The following WWOX variants were observed in gnomAD, a reference collection of about 807,000 sequenced individuals.
The protein encoded by WWOX is WW domain-containing oxidoreductase.
Under a neutral mutation model 46.2 loss-of-function variants are expected in WWOX, and 69 were observed. The observed-to-expected ratio is 1.49, with a 90% CI of 1.23 to 1.82. WWOX has a LOEUF of 1.82. Among genes scored for constraint, WWOX ranks in the 40% most tolerant of loss-of-function variants. WWOX has a pLI of 0.00. For missense variants in WWOX, 919 were observed against 542.6 expected, an observed-to-expected ratio of 1.69 and a Z score of -6.89; for synonymous variants, 359 against 202.6, an observed-to-expected ratio of 1.77 and a Z score of -6.56.
intron 7 of WWOX, among the ~76,000 whole-genome samples, chr16:78,427,970 A>G (rs1003581440): frequency 1.3e-5 from 2 of 152,248 alleles, no homozygotes; most frequent in Non-Finnish European, 2.9e-5. Context: ...TGGGAGGCTG[A>G]GGCAGGAGAA....
chr16:78,777,186 C>T (rs1001221312), intron 8 of WWOX, among the ~76,000 whole-genome samples: 1 of 151,900 alleles, frequency 6.6e-6, no homozygotes, highest in East Asian at 1.9e-4. Context: ...ATTTCAATGG[C>T]TGTATTTCAG....
At chr16:78,689,185 T>C (rs1176468327) in intron 8 of WWOX, among the ~76,000 whole-genome samples, 1 of 152,164 alleles carries the variant, frequency 6.6e-6, no homozygotes, top group Non-Finnish European at 1.5e-5. Context: ...CAACAAAGAA[T>C]GATTCAGCCC....
At chr16:78,663,828 T>G (rs908424245) in intron 8 of WWOX, among the ~76,000 whole-genome samples, 1 of 152,116 alleles carries the variant, frequency 6.6e-6, no homozygotes, top group South Asian at 2.1e-4. Flanking sequence ...CAAGCACAGG[T>G]GCAGCAAGTG....
At chr16:78,385,611 C>T (rs1597141836) in intron 5 of WWOX, among the ~76,000 whole-genome samples, 1 of 152,140 alleles carries the variant, frequency 6.6e-6, no homozygotes, top group African/African-American at 2.4e-5. Flanking sequence ...AAACCAGCTG[C>T]AATTACGCTG....
chr16:78,990,397 G>A (rs1039726120), intron 8 of WWOX, among the ~76,000 whole-genome samples: 6 of 152,112 alleles, frequency 3.9e-5, no homozygotes, highest in African/African-American at 1.2e-4. Context: ...TTCTCTGCAC[G>A]ACCTAGTTCT....
Position 78,432,701 on chromosome 16 carries a change from G to T in WWOX, c.1005G>T (p.Trp335Cys). 6.2e-7 allele frequency: 1 copy of T among 1,614,218 alleles called. No individual in the cohort carries two copies. ...NMMYSNIHRSWWVYTLLFTLA... is the reference protein window; with the variant it reads ...NMMYSNIHRSCWVYTLLFTLA... ...TGTACTCCAACATTCATCGCAGCTG[G>T]TGGGTGTACACACTGCTGTTTACCT... Residue 335 changes from tryptophan (W) to cysteine (C), a missense_variant, in exon 8 of 9, where the codon TGG becomes TGT. Coordinates refer to ENST00000566780, the MANE Select transcript of WWOX (RefSeq NM_016373.4).
At chr16:78,799,460 A>C (rs1032598955) in intron 8 of WWOX, among the ~76,000 whole-genome samples, 5 of 152,194 alleles carry the variant, frequency 3.3e-5, no homozygotes, top group African/African-American at 1.2e-4. Context: ...CTCACCAGGG[A>C]TAGAGTCTCA....
chr16:78,199,666 C>G (rs533464056), intron 5 of WWOX, among the ~76,000 whole-genome samples: 2 of 152,304 alleles, frequency 1.3e-5, no homozygotes, highest in East Asian at 3.9e-4. Context: ...TATTTCTGAG[C>G]CTGCGTAGAT....
intron 8 of WWOX, among the ~76,000 whole-genome samples, chr16:78,619,287 C>A (rs183312826): frequency 3.5e-4 from 43 of 121,736 alleles, no homozygotes; most frequent in African/African-American, 1.3e-3. Flanking sequence ...TCGCTTGAAC[C>A]TGGGAGTCGG....
Position 78,426,881 on chromosome 16 carries a change from C to G in WWOX, c.791+1826C>G, listed in dbSNP as rs536283450. On this transcript the variant is annotated intron_variant, in intron 7 of 8. Transcript: ENST00000566780. Reference sequence around the variant, plus strand: ...GTTTCACCATGTTGGCCAGGATGGTCTCGATCTCTTGACCTTGTGATCCGC... The same window carrying G: ...GTTTCACCATGTTGGCCAGGATGGTGTCGATCTCTTGACCTTGTGATCCGC... 7.9e-5 allele frequency among the ~76,000 whole-genome samples: 12 copies of G among 152,276 alleles called. No homozygotes were observed. In the East Asian group the frequency reaches 2.3e-3, roughly 29 times the overall value.
chr16:78,954,220 G>C (rs1282583008), intron 8 of WWOX, among the ~76,000 whole-genome samples: 2 of 152,036 alleles, frequency 1.3e-5, no homozygotes, highest in African/African-American at 2.4e-5. Flanking sequence ...ATGGTTGGGT[G>C]GATGTATGGT....
At chr16:78,560,030 G>A (rs1038372915) in intron 8 of WWOX, among the ~76,000 whole-genome samples, 1 of 152,174 alleles carries the variant, frequency 6.6e-6, no homozygotes, top group African/African-American at 2.4e-5. Flanking sequence ...ACATTGAAAG[G>A]CTGTTGTCTT....
At chr16:78,205,687 C>A (rs867211492) in intron 5 of WWOX, among the ~76,000 whole-genome samples, 1 of 152,026 alleles carries the variant, frequency 6.6e-6, no homozygotes, top group Non-Finnish European at 1.5e-5. Context: ...CCATACACAT[C>A]CATCTGTTCA....
At chr16:78,138,219 G>A (rs928520396) in intron 4 of WWOX, among the ~76,000 whole-genome samples, 2 of 150,912 alleles carry the variant, frequency 1.3e-5, no homozygotes, top group African/African-American at 4.9e-5. Context: ...TTTGCTGACA[G>A]CACAGTCTGC....
intron 5 of WWOX, among the ~76,000 whole-genome samples, chr16:78,225,621 C>T (rs1363894906): frequency 6.6e-6 from 1 of 152,030 alleles, no homozygotes; most frequent in African/African-American, 2.4e-5. Context: ...TTTGTTTTGC[C>T]ATGAGGAATT....
At chr16:78,186,405 G>C (rs542162783) in intron 5 of WWOX, among the ~76,000 whole-genome samples, 1 of 152,160 alleles carries the variant, frequency 6.6e-6, no homozygotes, top group Non-Finnish European at 1.5e-5. Flanking sequence ...AGTTTAACCT[G>C]ACAGTTGATC....
intron 8 of WWOX, among the ~76,000 whole-genome samples, chr16:79,144,291 T>G (rs2050145362): frequency 6.6e-6 from 1 of 152,174 alleles, no homozygotes; most frequent in Admixed American, 6.5e-5. Flanking sequence ...GTTTAGCCTG[T>G]CAAGACTTCA....
intron 4 of WWOX, among the ~76,000 whole-genome samples, chr16:78,116,775 A>T (rs1315875226): frequency 1.3e-5 from 2 of 152,234 alleles, no homozygotes; most frequent in Non-Finnish European, 2.9e-5. Context: ...CTTTTTAACA[A>T]TTTAACAAGT....
chr16:78,660,157 G>A (rs1304185635), intron 8 of WWOX, among the ~76,000 whole-genome samples: 1 of 151,866 alleles, frequency 6.6e-6, no homozygotes, highest in African/African-American at 2.4e-5. Context: ...GTTTACTATT[G>A]TGGACTGTGC....
Sources: allele counts gnomAD v4.1 joint callset (sites outside exome capture counted in the v4.1 genomes callset), GRCh38; gene constraint gnomAD v4.1.1; transcripts MANE v1.5; gene names NCBI Gene and HGNC (gene_info 2026-07-23, HGNC 2026-07-21).